The following C8orf34 variants were observed in gnomAD, a reference collection of about 807,000 sequenced individuals.
C8orf34 encodes chromosome 8 open reading frame 34, also known as uncharacterized protein C8orf34.
Under a neutral mutation model 68.3 loss-of-function variants are expected in C8orf34, and 65 were observed. The observed-to-expected ratio is 0.95, with a 90% CI of 0.78 to 1.17. The LOEUF (loss-of-function observed/expected upper bound fraction) is 1.17. Among genes scored for constraint, C8orf34 ranks in the 50% most tolerant of loss-of-function variants. The pLI is 0.00. For missense variants in C8orf34, 664 were observed against 655.4 expected, an observed-to-expected ratio of 1.01 and a Z score of -0.14; for synonymous variants, 244 against 241.2, an observed-to-expected ratio of 1.01 and a Z score of -0.11.
At chr8:68,797,419 C>T (rs754335405) in intron 12 of C8orf34, among the ~76,000 whole-genome samples, 8 of 152,066 alleles carry the variant, frequency 5.3e-5, no homozygotes, top group Non-Finnish European at 1.2e-4. Flanking sequence ...TCATGACTTC[C>T]CCTCTCATTA....
intron 5 of C8orf34, among the ~76,000 whole-genome samples, chr8:68,503,717 G>C (rs539933716): frequency 1.4e-4 from 20 of 146,596 alleles, no homozygotes; most frequent in Non-Finnish European, 3.0e-4. Context: ...TAAGAAAACT[G>C]AGGCCAAAGT....
chr8:68,357,471 T>G lies in C8orf34; in HGVS notation c.327+26132T>G, dbSNP rs74647804. Among the ~76,000 whole-genome samples the G allele has an allele frequency of 6.8e-3, 1,032 of 152,258 alleles. 39 individuals carry two copies. The East Asian group carries it at 0.1, about 15-fold the overall frequency. On this transcript the variant is annotated intron_variant, in intron 1 of 13. Transcript: ENST00000518698. ...CATTCCACTCCTATAATCTTCAGAT[T>G]AGTAGGGAACACAGAGATCAACATT...
chr8:68,411,946 G>A (rs1012177500), intron 1 of C8orf34, among the ~76,000 whole-genome samples: 5 of 152,200 alleles, frequency 3.3e-5, no homozygotes, highest in African/African-American at 1.2e-4. Context: ...AGGTGATTAA[G>A]TCATGAGGAC....
chr8:68,730,642 C>T (rs1821955065), intron 10 of C8orf34, among the ~76,000 whole-genome samples: 1 of 151,956 alleles, frequency 6.6e-6, no homozygotes, highest in Admixed American at 6.6e-5. Context: ...AATGTTTAAA[C>T]ATTGATTATG....
chr8:68,532,552 T>G (rs937971118), intron 6 of C8orf34, among the ~76,000 whole-genome samples: 1 of 152,214 alleles, frequency 6.6e-6, no homozygotes, highest in Admixed American at 6.5e-5. Flanking sequence ...TATACACATA[T>G]GCAAAAGAAA....
chr8:68,414,170 A>C (rs752612359), intron 1 of C8orf34, among the ~76,000 whole-genome samples: 1 of 151,812 alleles, frequency 6.6e-6, no homozygotes, highest in Non-Finnish European at 1.5e-5. Context: ...TTCCATCCAC[A>C]TTTTTCTCTA....
At chr8:68,590,786 G>A (rs897722602) in intron 7 of C8orf34, among the ~76,000 whole-genome samples, 3 of 152,176 alleles carry the variant, frequency 2.0e-5, no homozygotes, top group Admixed American at 1.3e-4. Flanking sequence ...TACGCTGGCA[G>A]AGGCAAGTGT....
At chr8:68,511,330 G>A (rs959628034) in intron 5 of C8orf34, among the ~76,000 whole-genome samples, 4 of 152,166 alleles carry the variant, frequency 2.6e-5, no homozygotes, top group Non-Finnish European at 5.9e-5. Context: ...CCCTACTGCT[G>A]TGTCATTCCC....
intron 7 of C8orf34, among the ~76,000 whole-genome samples, chr8:68,634,634 G>GTATTT (rs1207121502): frequency 6.6e-6 from 1 of 152,032 alleles, no homozygotes; most frequent in Non-Finnish European, 1.5e-5. Flanking sequence ...GACCTAGATT[G>GTATTT]TATTTTATTT....
intron 7 of C8orf34, among the ~76,000 whole-genome samples, chr8:68,614,283 C>G (rs575851429): frequency 2.6e-5 from 4 of 152,032 alleles, no homozygotes; most frequent in African/African-American, 4.8e-5. Context: ...TGCAGAAGCT[C>G]TTTAGTTTAA....
At chr8:68,499,696 C>T (rs1813683078) in intron 5 of C8orf34, among the ~76,000 whole-genome samples, 1 of 152,138 alleles carries the variant, frequency 6.6e-6, no homozygotes, top group Admixed American at 6.5e-5. Flanking sequence ...ACAAAAGGAG[C>T]AACTTTTCAC....
At chr8:68,766,684 A>G (rs1052217791) in intron 10 of C8orf34, among the ~76,000 whole-genome samples, 2 of 152,194 alleles carry the variant, frequency 1.3e-5, no homozygotes, top group African/African-American at 4.8e-5. Flanking sequence ...ACAAATGGAG[A>G]TTTGTAAAAT....
At chr8:68,648,755 G>C (rs1348553234) in intron 8 of C8orf34, among the ~76,000 whole-genome samples, 1 of 152,160 alleles carries the variant, frequency 6.6e-6, no homozygotes, top group East Asian at 1.9e-4. Context: ...ATAGCTTGTT[G>C]TTTTTGAACT....
intron 10 of C8orf34, among the ~76,000 whole-genome samples, chr8:68,770,265 G>A (rs558658153): frequency 7.9e-4 from 121 of 152,278 alleles, no homozygotes; most frequent in Middle Eastern, 3.4e-3. Flanking sequence ...CAGAAGAAAA[G>A]TTGTAACTCT....
intron 3 of C8orf34, among the ~76,000 whole-genome samples, chr8:68,448,428 A>G (rs1284929479): frequency 2.0e-5 from 3 of 152,210 alleles, no homozygotes; most frequent in African/African-American, 7.2e-5. Context: ...CTTTGGAAAT[A>G]CTTGTTAAAA....
intron 4 of C8orf34, among the ~76,000 whole-genome samples, chr8:68,487,578 A>C (rs1004983006): frequency 1.3e-5 from 2 of 152,358 alleles, no homozygotes; most frequent in Non-Finnish European, 1.5e-5. Context: ...CCTCATCCAC[A>C]AACTAAAGAC....
chr8:68,580,235 G>A (rs1179541099), intron 7 of C8orf34, among the ~76,000 whole-genome samples: 1 of 151,968 alleles, frequency 6.6e-6, no homozygotes, highest in African/African-American at 2.4e-5. Flanking sequence ...GAGCTTTAAG[G>A]GGTATACATT....
intron 1 of C8orf34, among the ~76,000 whole-genome samples, chr8:68,408,060 A>T (rs1248506304): frequency 6.6e-6 from 1 of 152,084 alleles, no homozygotes; most frequent in Non-Finnish European, 1.5e-5. Context: ...GCAAAGCTTC[A>T]TCTGTATTTA....
chr8:68,622,331 A>G (rs1233460827), intron 7 of C8orf34, among the ~76,000 whole-genome samples: 1 of 152,228 alleles, frequency 6.6e-6, no homozygotes, highest in Non-Finnish European at 1.5e-5. Context: ...ATGACTTTCA[A>G]TGAGGGAGGA....
Sources: allele counts gnomAD v4.1 joint callset (sites outside exome capture counted in the v4.1 genomes callset), GRCh38; gene constraint gnomAD v4.1.1; transcripts MANE v1.5; gene names NCBI Gene and HGNC (gene_info 2026-07-23, HGNC 2026-07-21).